SATB2: variants seen among roughly 807,000 people sequenced by gnomAD.
SATB2 encodes SATB homeobox 2.
Under a neutral mutation model 73.4 loss-of-function variants are expected in SATB2, and 1 was observed. The ratio of observed to expected loss-of-function variants is 0.01; its 90% CI spans 0.00 to 0.06. The LOEUF (loss-of-function observed/expected upper bound fraction) is 0.06, where lower values mean the gene tolerates loss of function less well. Among genes scored for constraint, SATB2 ranks in the 10% least tolerant of loss-of-function variants. The probability of loss-of-function intolerance (pLI) is 1.00; values close to 1 mark genes in which losing one functional copy is unlikely to be tolerated. For missense variants in SATB2, 459 were observed against 945.8 expected (o/e 0.49, Z 6.75); for synonymous variants, 397 against 367.0 (o/e 1.08, Z -0.93).
At chr2:199,281,722 G>A (rs1292422580) in intron 10 of SATB2, among the ~76,000 whole-genome samples, 2 of 151,980 alleles carry the variant, frequency 1.3e-5, no homozygotes, top group African/African-American at 4.8e-5. Flanking sequence ...CATTCAGTAA[G>A]GAGAACTTTA....
intron 3 of SATB2, among the ~76,000 whole-genome samples, chr2:199,410,734 T>C (rs1323743202): frequency 2.0e-5 from 3 of 152,182 alleles, no homozygotes; most frequent in Non-Finnish European, 4.4e-5. Flanking sequence ...TATTTTTTAA[T>C]GCAATGTACT....
At chr2:199,421,602 C>A (rs1691171601) in intron 3 of SATB2, among the ~76,000 whole-genome samples, 1 of 152,172 alleles carries the variant, frequency 6.6e-6, no homozygotes, top group African/African-American at 2.4e-5. Flanking sequence ...CATCGTGAAA[C>A]TAGTAAGCAG....
chr2:199,351,552 T>C (rs936978307), intron 6 of SATB2, among the ~76,000 whole-genome samples: 2 of 152,216 alleles, frequency 1.3e-5, no homozygotes, highest in Admixed American at 6.5e-5. Flanking sequence ...AATTATTGTA[T>C]TAATTAAACT....
At chr2:199,318,759 G>A (rs757030967) in intron 9 of SATB2, among the ~76,000 whole-genome samples, 12 of 151,752 alleles carry the variant, frequency 7.9e-5, no homozygotes, top group Non-Finnish European at 1.5e-4. Flanking sequence ...ATTTTAAGAA[G>A]AGATGCAAAA....
chr2:199,388,497 T>C (rs1868427), intron 3 of SATB2, among the ~76,000 whole-genome samples: 19,284 of 152,134 alleles, frequency 0.13, 1,434 homozygotes, highest in South Asian at 0.32. Flanking sequence ...GCTGATAAAA[T>C]AGATATATAT....
chr2:199,381,996 T>C (rs1294420751), intron 3 of SATB2, among the ~76,000 whole-genome samples, 176 bp from the exon 4 acceptor site: 2 of 152,198 alleles, frequency 1.3e-5, no homozygotes, highest in South Asian at 2.1e-4. Flanking sequence ...TAGTTAACTA[T>C]ACAGGAAGAT....
At chr2:199,356,962 G>T (rs2105835227) in intron 6 of SATB2, among the ~76,000 whole-genome samples, 1 of 152,208 alleles carries the variant, frequency 6.6e-6, no homozygotes, top group East Asian at 1.9e-4. Flanking sequence ...CTTTATTAAA[G>T]AAGCTGAAGC....
chr2:199,413,401 G>C (rs1176552678), intron 3 of SATB2, among the ~76,000 whole-genome samples: 1 of 152,068 alleles, frequency 6.6e-6, no homozygotes. Flanking sequence ...ACCTAAAATG[G>C]AGACTGCTCT....
chr2:199,447,181 C>T (rs759157381), intron 2 of SATB2, among the ~76,000 whole-genome samples: 3 of 152,134 alleles, frequency 2.0e-5, no homozygotes, highest in Non-Finnish European at 4.4e-5. Flanking sequence ...TGAGGCAAAA[C>T]GAGCCCCAGG....
intron 2 of SATB2, among the ~76,000 whole-genome samples, chr2:199,452,210 CT>C (rs1439125766): frequency 3.3e-5 from 5 of 152,110 alleles, no homozygotes; most frequent in Non-Finnish European, 7.4e-5. Context: ...TATTCAAGCG[CT>C]GTTCATTCAG....
At position 199,302,571 on chromosome 2, in the gene SATB2, T is replaced by C. The variant is rs562650716; in HGVS notation, c.1740+6189A>G. On this transcript the variant is annotated intron_variant, in intron 10 of 10. Coordinates refer to ENST00000417098, the MANE Select transcript of SATB2 (RefSeq NM_001172509.2). ...TTTATTACAAATGCAAGTGTTCATTTGCATCTCTCCTCAGGACTAGAGTGG... is the reference window on the plus strand; with the variant it reads ...TTTATTACAAATGCAAGTGTTCATTCGCATCTCTCCTCAGGACTAGAGTGG... Among the ~76,000 whole-genome samples the C allele has an allele frequency of 1.1e-4, 16 of 152,306 alleles. No homozygotes were observed. The South Asian group carries it at 3.3e-3, about 32-fold the overall frequency.
chr2:199,290,692 T>C (rs1385781525), intron 10 of SATB2, among the ~76,000 whole-genome samples: 1 of 152,172 alleles, frequency 6.6e-6, no homozygotes, highest in Admixed American at 6.5e-5. Context: ...AAAAATCTGA[T>C]TGAAAATTAT....
Position 199,386,706 on chromosome 2 carries a change from GCGCGCGCGCGCA to G in SATB2, c.347-4898_347-4887del, listed in dbSNP as rs1689957877. Among the ~76,000 whole-genome samples, 533 of 95,920 alleles carry G rather than the reference GCGCGCGCGCGCA, an allele frequency of 5.6e-3. 6 individuals are homozygous for G. Among genetic ancestry groups the G allele is most frequent in the African/African-American group, 0.02 (500 of 25,300 alleles). 62.9% of individuals were successfully genotyped at this position (95,920 alleles called of 152,430 possible). A position where few individuals can be genotyped will look rare whatever the true frequency, so the allele number is the denominator to read the frequency against. On this transcript the variant is annotated intron_variant, in intron 3 of 10. Transcript: ENST00000417098. ...CATACACGTGCGCAAGCGCGCGCGCGCGCGCGCGCGCACACACACACACACACACACACACAC... is the reference window on the plus strand; with the variant it reads ...CATACACGTGCGCAAGCGCGCGCGCGCACACACACACACACACACACACAC...
chr2:199,377,172 C>T (rs1023562805), intron 5 of SATB2, among the ~76,000 whole-genome samples: 2 of 152,086 alleles, frequency 1.3e-5, no homozygotes, highest in Middle Eastern at 3.4e-3. Context: ...GTCAGAAGAT[C>T]GAGACCATCC....
intron 3 of SATB2, among the ~76,000 whole-genome samples, chr2:199,432,664 T>C (rs1691536441): frequency 6.6e-6 from 1 of 152,092 alleles, no homozygotes; most frequent in Non-Finnish European, 1.5e-5. Context: ...TTGGGGAGAA[T>C]TTTTGTTATT....
chr2:199,410,966 C>T (rs538266850), intron 3 of SATB2, among the ~76,000 whole-genome samples: 2 of 152,196 alleles, frequency 1.3e-5, no homozygotes, highest in East Asian at 3.9e-4. Flanking sequence ...CATTAGTGAT[C>T]ACAGACACCT....
chr2:199,304,659 A>G (rs1687380902), intron 10 of SATB2, among the ~76,000 whole-genome samples: 1 of 152,192 alleles, frequency 6.6e-6, no homozygotes. Context: ...TGCTGGTCCA[A>G]CTGTGGATTC....
At chr2:199,418,461 T>G (rs915087933) in intron 3 of SATB2, among the ~76,000 whole-genome samples, 5 of 152,212 alleles carry the variant, frequency 3.3e-5, no homozygotes, top group Non-Finnish European at 7.3e-5. Context: ...TACGTTTCAC[T>G]ATATTCAAAA....
At chr2:199,428,974 G>A (rs1341213178) in intron 3 of SATB2, among the ~76,000 whole-genome samples, 1 of 147,024 alleles carries the variant, frequency 6.8e-6, no homozygotes, top group African/African-American at 2.5e-5. Flanking sequence ...CCAATGCACT[G>A]CAGCCTGGGA....
Sources: gnomAD v4.1 joint callset for allele counts (sites outside exome capture counted in the v4.1 genomes callset) on GRCh38, gnomAD v4.1.1 for gene constraint, MANE v1.5 for transcripts, NCBI Gene and HGNC (gene_info 2026-07-23, HGNC 2026-07-21) for gene names.